The following DLG2 variants were observed in gnomAD, a reference collection of about 807,000 sequenced individuals.
DLG2 encodes discs large MAGUK scaffold protein 2.
Under a neutral mutation model 132.5 loss-of-function variants are expected in DLG2, and 45 were observed. The ratio of observed to expected loss-of-function variants is 0.34; its 90% CI spans 0.27 to 0.44. DLG2 has a LOEUF of 0.44. Ranked by LOEUF, DLG2 falls within the 20% of genes least tolerant of loss-of-function variation. The probability of loss-of-function intolerance (pLI) is 1.00; values close to 1 mark genes in which losing one functional copy is unlikely to be tolerated. For missense variants in DLG2, 1,045 were observed against 1,196.9 expected (o/e 0.87, Z 1.87); for synonymous variants, 424 against 419.6 (o/e 1.01, Z -0.13).
intron 3 of DLG2, among the ~76,000 whole-genome samples, chr11:85,392,672 TCA>T (rs1459323320): frequency 6.6e-6 from 1 of 151,896 alleles, no homozygotes; most frequent in African/African-American, 2.4e-5. Flanking sequence ...ACTCAAATAC[TCA>T]CAGTCACCTG....
intron 6 of DLG2, among the ~76,000 whole-genome samples, chr11:84,649,156 T>A (rs1380962972): frequency 6.6e-6 from 1 of 152,188 alleles, no homozygotes; most frequent in African/African-American, 2.4e-5. Flanking sequence ...TTTGTTTTCT[T>A]CCTGGATCTT....
chr11:85,491,950 G>A (rs2093569522), intron 3 of DLG2, among the ~76,000 whole-genome samples: 1 of 149,204 alleles, frequency 6.7e-6, no homozygotes, highest in Non-Finnish European at 1.5e-5. Context: ...TATTAAGCAA[G>A]ATGATCAAAG....
At chr11:84,199,862 G>A (rs561400213) in intron 8 of DLG2, among the ~76,000 whole-genome samples, 103 of 151,834 alleles carry the variant, frequency 6.8e-4, no homozygotes, top group African/African-American at 2.3e-3. Context: ...AGAAAAAGTG[G>A]GAAAGACAAA....
chr11:84,537,272 AT>A (rs561844699), intron 6 of DLG2, among the ~76,000 whole-genome samples: 2 of 151,394 alleles, frequency 1.3e-5, no homozygotes, highest in Non-Finnish European at 2.9e-5. Flanking sequence ...ACGCCTGGCT[AT>A]TTTTTTTATT....
Position 83,586,723 on chromosome 11 carries a change from A to G in DLG2, c.1941-44865T>C, listed in dbSNP as rs2097092842. Among the ~76,000 whole-genome samples, 5 of 152,234 alleles carry G rather than the reference A, an allele frequency of 3.3e-5. No homozygotes were observed. In the South Asian group the frequency reaches 1.0e-3, roughly 32 times the overall value. On this transcript the variant is annotated intron_variant, in intron 19 of 27. Coordinates refer to ENST00000376104, the MANE Select transcript of DLG2 (RefSeq NM_001142699.3). The stretch of plus-strand genomic sequence containing the variant: ...ATTAACATTTTTTGAGAGAGAATAC[A>G]GAGGCACTGAGAAGTTAAAAACCAG...
At chr11:83,906,940 T>C (rs2075111706) in intron 15 of DLG2, among the ~76,000 whole-genome samples, 1 of 152,170 alleles carries the variant, frequency 6.6e-6, no homozygotes, top group Non-Finnish European at 1.5e-5. Flanking sequence ...ATATACCTAA[T>C]ATAAGATAAA....
intron 11 of DLG2, among the ~76,000 whole-genome samples, chr11:83,994,110 T>C (rs1441803270): frequency 6.6e-6 from 1 of 152,138 alleles, no homozygotes; most frequent in African/African-American, 2.4e-5. Context: ...GGTTTATCTG[T>C]CTTTATCTCA....
intron 10 of DLG2, among the ~76,000 whole-genome samples, chr11:84,061,869 A>T (rs1234878889): frequency 2.0e-5 from 3 of 148,150 alleles, no homozygotes; most frequent in Non-Finnish European, 4.5e-5. Flanking sequence ...AAAAAAAAAA[A>T]GGGAAACTAC....
intron 4 of DLG2, among the ~76,000 whole-genome samples, chr11:85,267,896 G>GTT (rs1259153395): frequency 6.6e-6 from 1 of 151,760 alleles, no homozygotes; most frequent in Non-Finnish European, 1.5e-5. Flanking sequence ...GTGTGTGTGT[G>GTT]TGTGTGTGTG....
At chr11:84,268,473 T>A (rs866754463) in intron 7 of DLG2, among the ~76,000 whole-genome samples, 28 of 150,436 alleles carry the variant, frequency 1.9e-4, no homozygotes, top group African/African-American at 6.1e-4. Flanking sequence ...TTTTTTTTTT[T>A]TTTTTTGAGA....
intron 18 of DLG2, among the ~76,000 whole-genome samples, chr11:83,765,683 C>T (rs1278681443): frequency 6.6e-6 from 1 of 152,178 alleles, no homozygotes; most frequent in Non-Finnish European, 1.5e-5. Context: ...CCAAGTAGAC[C>T]TTGCTTTTTC....
chr11:83,587,766 G>A (rs1049589449), intron 19 of DLG2, among the ~76,000 whole-genome samples: 6 of 152,148 alleles, frequency 3.9e-5, no homozygotes, highest in East Asian at 1.9e-4. Flanking sequence ...GACAGTGGGC[G>A]CAGGTCAGTG....
intron 18 of DLG2, among the ~76,000 whole-genome samples, chr11:83,660,743 A>G (rs2074034291): frequency 6.6e-6 from 1 of 152,204 alleles, no homozygotes; most frequent in South Asian, 2.1e-4. Context: ...GACTTGAGGT[A>G]CATAAGGGGG....
intron 6 of DLG2, among the ~76,000 whole-genome samples, chr11:84,562,869 C>T (rs1038955561): frequency 1.3e-5 from 2 of 151,924 alleles, no homozygotes; most frequent in Non-Finnish European, 2.9e-5. Context: ...CCTCCTGCAT[C>T]AACCTCCAAA....
intron 19 of DLG2, 117 bp downstream of exon 19, chr11:83,633,094 T>G: frequency 2.5e-6 from 2 of 801,200 alleles, no homozygotes; most frequent in Non-Finnish European, 2.1e-6. Context: ...CTTTCAGTAG[T>G]GTACTGATGA....
chr11:84,148,553 G>A (rs1271991782), intron 9 of DLG2, among the ~76,000 whole-genome samples: 2 of 151,946 alleles, frequency 1.3e-5, no homozygotes, highest in Non-Finnish European at 2.9e-5. Context: ...CAAAGGATAT[G>A]GTTTTTTTAT....
intron 7 of DLG2, among the ~76,000 whole-genome samples, chr11:84,341,568 G>C (rs565840946): frequency 6.6e-6 from 1 of 152,296 alleles, no homozygotes; most frequent in East Asian, 1.9e-4. Flanking sequence ...GTTTTCTGTA[G>C]TTCTGAAAAT....
At chr11:85,068,468 T>C (rs1441303765) in intron 6 of DLG2, among the ~76,000 whole-genome samples, 1 of 152,066 alleles carries the variant, frequency 6.6e-6, no homozygotes, top group Non-Finnish European at 1.5e-5. Flanking sequence ...GGATACAAAA[T>C]CAATGTGCAA....
chr11:84,671,464 T>C (rs2099705837), intron 6 of DLG2, among the ~76,000 whole-genome samples: 2 of 152,148 alleles, frequency 1.3e-5, no homozygotes, highest in South Asian at 4.2e-4. Context: ...ACTCTATAAA[T>C]GTCCTACAGC....
Sources: allele counts gnomAD v4.1 joint callset (sites outside exome capture counted in the v4.1 genomes callset), GRCh38; gene constraint gnomAD v4.1.1; transcripts MANE v1.5; gene names NCBI Gene and HGNC (gene_info 2026-07-23, HGNC 2026-07-21).